KCNIP4: variants seen among roughly 807,000 people sequenced by gnomAD.
KCNIP4 encodes the protein Kv channel-interacting protein 4.
Under a neutral mutation model 34.0 loss-of-function variants are expected in KCNIP4, and 12 were observed. That is an observed-to-expected ratio of 0.35 (90% CI 0.23 to 0.57). KCNIP4 has a LOEUF of 0.57. KCNIP4 is among the 20% of genes least tolerant of loss of function. The pLI, the probability that KCNIP4 is intolerant of heterozygous loss-of-function variation, is 0.83. For synonymous variants in KCNIP4, 124 were observed against 102.2 expected, an observed-to-expected ratio of 1.21 and a Z score of -1.29; for missense variants, 238 against 311.7, an observed-to-expected ratio of 0.76 and a Z score of 1.78.
chr4:21,482,788 T>C (rs1731549203), intron 1 of KCNIP4, among the ~76,000 whole-genome samples: 1 of 152,070 alleles, frequency 6.6e-6, no homozygotes, highest in South Asian at 2.1e-4. Flanking sequence ...CAATTATGTG[T>C]CTTGGAGTTG....
At position 21,108,861 on chromosome 4, in the gene KCNIP4, C is replaced by G. The variant is rs568017314; in HGVS notation, c.62-226152G>C. Among the ~76,000 whole-genome samples the G allele has an allele frequency of 3.3e-3, 499 of 152,304 alleles. 2 individuals are homozygous for G. Among genetic ancestry groups the G allele is most frequent in the African/African-American group, 0.011 (457 of 41,550 alleles). The stretch of plus-strand genomic sequence containing the variant: ...GGTCTGTTGGAGTTTTCTAGAGGTC[C>G]ACTCCAGACCCTGTTTGCCTGGGTA... On this transcript the variant is annotated intron_variant, in intron 1 of 8. Coordinates refer to ENST00000382152, the MANE Select transcript of KCNIP4 (RefSeq NM_025221.6).
chr4:21,308,053 A>G (rs531154365), intron 1 of KCNIP4, among the ~76,000 whole-genome samples: 2 of 152,240 alleles, frequency 1.3e-5, no homozygotes, highest in Non-Finnish European at 2.9e-5. Flanking sequence ...TTACTTAACT[A>G]CATATGCAAC....
chr4:21,122,482 C>T (rs564776297), intron 1 of KCNIP4, among the ~76,000 whole-genome samples: 19 of 141,336 alleles, frequency 1.3e-4, no homozygotes, highest in Non-Finnish European at 2.3e-4. Flanking sequence ...TTTTTAAGTG[C>T]GTATACATTT....
At chr4:21,342,776 C>G (rs919679265) in intron 1 of KCNIP4, among the ~76,000 whole-genome samples, 1 of 152,068 alleles carries the variant, frequency 6.6e-6, no homozygotes, top group African/African-American at 2.4e-5. Context: ...CTGCCACTTA[C>G]GTATATGCAC....
chr4:20,875,286 G>A (rs1723894448), intron 2 of KCNIP4, among the ~76,000 whole-genome samples: 1 of 152,182 alleles, frequency 6.6e-6, no homozygotes, highest in Non-Finnish European at 1.5e-5. Flanking sequence ...CTCCACTGCT[G>A]TGTTCAATCT....
chr4:21,729,518 A>G (rs1715436675), intron 1 of KCNIP4, among the ~76,000 whole-genome samples: 1 of 152,170 alleles, frequency 6.6e-6, no homozygotes, highest in Admixed American at 6.6e-5. Context: ...ACATAAATGC[A>G]CAGTAAAAGA....
chr4:21,366,166 A>T (rs1315959495), intron 1 of KCNIP4, among the ~76,000 whole-genome samples: 2 of 152,234 alleles, frequency 1.3e-5, no homozygotes, highest in Non-Finnish European at 2.9e-5. Flanking sequence ...ATAAGGCTTG[A>T]ACGCTACCGG....
At chr4:21,762,235 A>C (rs1718107465) in intron 1 of KCNIP4, among the ~76,000 whole-genome samples, 1 of 152,144 alleles carries the variant, frequency 6.6e-6, no homozygotes, top group Admixed American at 6.6e-5. Flanking sequence ...TATTCAAAAT[A>C]TTATTTCAAC....
At chr4:21,709,548 C>G (rs1052161145) in intron 1 of KCNIP4, among the ~76,000 whole-genome samples, 5 of 152,058 alleles carry the variant, frequency 3.3e-5, no homozygotes, top group Non-Finnish European at 7.4e-5. Context: ...CTGTTTTACA[C>G]TATTTCTTTA....
chr4:21,387,018 G>A (rs1177793931), intron 1 of KCNIP4, among the ~76,000 whole-genome samples: 1 of 152,156 alleles, frequency 6.6e-6, no homozygotes, highest in Non-Finnish European at 1.5e-5. Context: ...GGCTACAGGA[G>A]GTGAAGATAG....
chr4:21,857,886 T>G (rs1422421660), intron 1 of KCNIP4, among the ~76,000 whole-genome samples: 1 of 152,184 alleles, frequency 6.6e-6, no homozygotes, highest in Non-Finnish European at 1.5e-5. Context: ...AAGCCAGGGC[T>G]GTGACACCCT....
intron 1 of KCNIP4, among the ~76,000 whole-genome samples, chr4:21,720,037 G>GAGAAGA (rs146119407): frequency 0.078 from 10,356 of 133,274 alleles, 748 homozygotes; most frequent in African/African-American, 0.22. Flanking sequence ...GAAGGAGAAG[G>GAGAAGA]AGAAGGAGAA....
intron 1 of KCNIP4, among the ~76,000 whole-genome samples, chr4:21,516,444 G>A (rs1039107887): frequency 6.6e-6 from 1 of 152,126 alleles, no homozygotes. Flanking sequence ...GAAAGGACCT[G>A]GGGAGAAGTA....
intron 1 of KCNIP4, among the ~76,000 whole-genome samples, chr4:21,125,051 C>T (rs1042984208): frequency 2.0e-5 from 3 of 150,884 alleles, no homozygotes; most frequent in African/African-American, 7.3e-5. Flanking sequence ...TCTGCCCCTA[C>T]CTTTTGCTCC....
At chr4:21,658,565 G>C (rs1272221850) in intron 1 of KCNIP4, among the ~76,000 whole-genome samples, 1 of 152,024 alleles carries the variant, frequency 6.6e-6, no homozygotes, top group Non-Finnish European at 1.5e-5. Context: ...ACCAGGCCTG[G>C]CTAATTTTTA....
chr4:20,764,824 G>A (rs1223791289), intron 3 of KCNIP4, among the ~76,000 whole-genome samples: 1 of 152,152 alleles, frequency 6.6e-6, no homozygotes, highest in African/African-American at 2.4e-5. Flanking sequence ...AAAGCAATTT[G>A]CCTGTTTTTC....
intron 1 of KCNIP4, among the ~76,000 whole-genome samples, chr4:21,233,179 A>G (rs1174064539): frequency 2.0e-5 from 3 of 152,154 alleles, no homozygotes; most frequent in Non-Finnish European, 4.4e-5. Flanking sequence ...CAAGTAAGAC[A>G]AAGATTGGGA....
At chr4:20,868,352 G>C (rs1251286430) in intron 2 of KCNIP4, among the ~76,000 whole-genome samples, 1 of 152,056 alleles carries the variant, frequency 6.6e-6, no homozygotes, top group Non-Finnish European at 1.5e-5. Context: ...ACAGATGCTG[G>C]TGAGGCTGCA....
chr4:21,115,035 TG>T (rs749817068), intron 1 of KCNIP4, among the ~76,000 whole-genome samples: 2 of 152,214 alleles, frequency 1.3e-5, no homozygotes, highest in Non-Finnish European at 2.9e-5. Context: ...GTCATCCACA[TG>T]GGTCCCCATG....
Sources: allele counts gnomAD v4.1 joint callset (sites outside exome capture counted in the v4.1 genomes callset), GRCh38; gene constraint gnomAD v4.1.1; transcripts MANE v1.5; gene names NCBI Gene and HGNC (gene_info 2026-07-23, HGNC 2026-07-21).